The following CAMTA1 variants were observed in gnomAD, a reference collection of about 807,000 sequenced individuals.
The protein encoded by CAMTA1 is calmodulin-binding transcription activator 1.
In CAMTA1, 27 loss-of-function variants were observed where a neutral mutation model predicts 170.9. That is an observed-to-expected ratio of 0.16 (90% CI 0.12 to 0.22). The LOEUF is 0.22. Ranked by LOEUF, CAMTA1 falls within the 10% of genes least tolerant of loss-of-function variation. The pLI, the probability that CAMTA1 is intolerant of heterozygous loss-of-function variation, is 1.00. For missense variants in CAMTA1, 1,619 were observed against 2,217.2 expected, an observed-to-expected ratio of 0.73 and a Z score of 5.42; for synonymous variants, 833 against 891.5, an observed-to-expected ratio of 0.93 and a Z score of 1.17.
At chr1:6,865,808 A>G (rs1186599064) in intron 3 of CAMTA1, among the ~76,000 whole-genome samples, 2 of 152,240 alleles carry the variant, frequency 1.3e-5, no homozygotes, top group Non-Finnish European at 2.9e-5. Flanking sequence ...TCCAAGGCAC[A>G]GAAGTAGTAA....
At chr1:7,048,448 A>G (rs1705762229) in intron 3 of CAMTA1, among the ~76,000 whole-genome samples, 1 of 152,240 alleles carries the variant, frequency 6.6e-6, no homozygotes, top group African/African-American at 2.4e-5. Context: ...TAGTAAATTA[A>G]AAGTTTCAGG....
chr1:7,589,822 C>T (rs372982371), intron 6 of CAMTA1, among the ~76,000 whole-genome samples: 13 of 152,308 alleles, frequency 8.5e-5, no homozygotes, highest in Middle Eastern at 3.4e-3. Context: ...TTCACAGTTA[C>T]CTCCCGAGGC....
chr1:7,753,837 C>A (rs1415432088), intron 21 of CAMTA1, among the ~76,000 whole-genome samples: 1 of 152,178 alleles, frequency 6.6e-6, no homozygotes. Flanking sequence ...AGATTTTTCA[C>A]CATGATAGCT....
chr1:7,398,189 CTCTCTATATATA>C (rs1371939436), intron 5 of CAMTA1, among the ~76,000 whole-genome samples: 94 of 32,264 alleles, frequency 2.9e-3, no homozygotes, highest in South Asian at 8.4e-3. Flanking sequence ...CTCTCTCTCT[CTCTCTATATATA>C]TATATATATA....
intron 3 of CAMTA1, among the ~76,000 whole-genome samples, chr1:6,950,863 G>T (rs1471774955): frequency 1.3e-5 from 2 of 152,216 alleles, no homozygotes; most frequent in Admixed American, 6.5e-5. Context: ...GGATGCCCAG[G>T]GAGGGGCTTC....
At chr1:7,619,633 C>A (rs1376268149) in intron 6 of CAMTA1, among the ~76,000 whole-genome samples, 1 of 151,774 alleles carries the variant, frequency 6.6e-6, no homozygotes, top group African/African-American at 2.4e-5. Context: ...CACACAATGA[C>A]AAAATTGAGG....
At position 7,487,528 on chromosome 1, in the gene CAMTA1, G is replaced by A. The variant is rs141634078; in HGVS notation, c.510+19627G>A. ...GGCACCTCTTGAGATTTCCACCCTA[G>A]TGCCAGCTCTGTCTGGACGTCCATG... On this transcript the variant is annotated intron_variant, in intron 6 of 22. Transcript: ENST00000303635. Among the ~76,000 whole-genome samples the A allele has an allele frequency of 1.5e-4, 23 of 152,348 alleles. No homozygotes were observed. The East Asian group carries it at 4.4e-3, about 29-fold the overall frequency.
chr1:7,228,279 A>G (rs1173094782), intron 4 of CAMTA1, among the ~76,000 whole-genome samples: 2 of 152,204 alleles, frequency 1.3e-5, no homozygotes, highest in Non-Finnish European at 2.9e-5. Context: ...CAGCCCGTCA[A>G]AACAAGGGTG....
chr1:7,427,228 T>G (rs1356717791), intron 5 of CAMTA1, among the ~76,000 whole-genome samples: 5 of 152,206 alleles, frequency 3.3e-5, no homozygotes, highest in Non-Finnish European at 7.3e-5. Context: ...GCTTCCTAAG[T>G]GGCCCACAAA....
intron 11 of CAMTA1, among the ~76,000 whole-genome samples, chr1:7,730,932 A>C (rs79356145): frequency 0.35 from 30,945 of 89,518 alleles, 3,243 homozygotes; most frequent in Middle Eastern, 0.45. Flanking sequence ...CTCTCTCTAT[A>C]TATATATATA....
At chr1:6,819,257 T>C (rs1646203088) in intron 1 of CAMTA1, among the ~76,000 whole-genome samples, 1 of 152,220 alleles carries the variant, frequency 6.6e-6, no homozygotes, top group Non-Finnish European at 1.5e-5. Context: ...ACAAAAAAGA[T>C]ATTTTTAGGA....
intron 7 of CAMTA1, among the ~76,000 whole-genome samples, chr1:7,658,309 G>A (rs1433336724): frequency 6.6e-6 from 1 of 152,244 alleles, no homozygotes; most frequent in Non-Finnish European, 1.5e-5. Context: ...CTGAGTTTAA[G>A]CTTAGGACAG....
At chr1:7,175,627 C>T (rs1210091703) in intron 4 of CAMTA1, among the ~76,000 whole-genome samples, 1 of 152,262 alleles carries the variant, frequency 6.6e-6, no homozygotes, top group East Asian at 1.9e-4. Context: ...CACTGTTAAA[C>T]CCCAGGTCCA....
At chr1:7,202,492 C>T (rs918126663) in intron 4 of CAMTA1, among the ~76,000 whole-genome samples, 11 of 152,102 alleles carry the variant, frequency 7.2e-5, no homozygotes, top group African/African-American at 1.4e-4. Flanking sequence ...GATATCTTAA[C>T]GATGTTAAGT....
intron 6 of CAMTA1, among the ~76,000 whole-genome samples, chr1:7,540,076 G>A (rs984106522): frequency 3.9e-5 from 6 of 152,140 alleles, no homozygotes; most frequent in South Asian, 2.1e-4. Flanking sequence ...CACACCCAAC[G>A]TTGTACATCC....
chr1:7,248,038 G>C lies in CAMTA1; in HGVS notation c.303-1453G>C, dbSNP rs942773442. ...CAATGAAGTATCGGGAGTCGCTGTTGAAAGTCTGTAATTTCCAGCGGAATT... is the reference window on the plus strand; with the variant it reads ...CAATGAAGTATCGGGAGTCGCTGTTCAAAGTCTGTAATTTCCAGCGGAATT... On this transcript the variant is annotated intron_variant, in intron 4 of 22. Transcript: ENST00000303635. The surrounding 1 kb of genome is among the most constrained non-coding windows in gnomAD (Gnocchi z 4.0). Among the ~76,000 whole-genome samples the C allele has an allele frequency of 3.9e-5, 6 of 152,186 alleles. No homozygotes were observed. The highest frequency in any genetic ancestry group is 1.4e-4 in the African/African-American group (6 of 41,462).
At chr1:7,576,031 CAG>C (rs1238325376) in intron 6 of CAMTA1, among the ~76,000 whole-genome samples, 8 of 152,060 alleles carry the variant, frequency 5.3e-5, no homozygotes, top group Non-Finnish European at 5.9e-5. Context: ...GTTTTTGAGA[CAG>C]AGTCTTGCTC....
intron 5 of CAMTA1, among the ~76,000 whole-genome samples, chr1:7,460,619 A>G (rs1471600785): frequency 1.5e-5 from 2 of 132,180 alleles, no homozygotes; most frequent in Non-Finnish European, 3.3e-5. Flanking sequence ...GCCTGCCCCC[A>G]GTTCTGCCTC....
At chr1:7,388,750 A>G (rs1557635635) in intron 5 of CAMTA1, among the ~76,000 whole-genome samples, 2 of 152,116 alleles carry the variant, frequency 1.3e-5, no homozygotes, top group Non-Finnish European at 2.9e-5. Flanking sequence ...GTTCCTGCCC[A>G]TCTCCACTTG....
Sources: allele counts gnomAD v4.1 joint callset (sites outside exome capture counted in the v4.1 genomes callset), GRCh38; gene constraint gnomAD v4.1.1; non-coding constraint Gnocchi (gnomAD v3.1); transcripts MANE v1.5; gene names NCBI Gene and HGNC (gene_info 2026-07-23, HGNC 2026-07-21).